The following GPR63 variants were observed in gnomAD, a reference collection of about 807,000 sequenced individuals.
The protein encoded by GPR63 is G protein-coupled receptor 63.
Under a neutral mutation model 23.1 loss-of-function variants are expected in GPR63, and 12 were observed. That is an observed-to-expected ratio of 0.52 (90% CI 0.33 to 0.84). The LOEUF is 0.84. Among genes scored for constraint, GPR63 ranks in the 40% least tolerant of loss-of-function variants. The pLI is 0.02. For missense variants in GPR63, 472 were observed against 515.6 expected (o/e 0.92, Z 0.82); for synonymous variants, 172 against 191.1 (o/e 0.90, Z 0.82).
intron 1 of GPR63, among the ~76,000 whole-genome samples, chr6:96,835,233 A>T (rs1774694911): frequency 6.6e-6 from 1 of 152,092 alleles, no homozygotes; most frequent in Non-Finnish European, 1.5e-5. Flanking sequence ...CCTAGCAATA[A>T]CTATTTTTAG....
chr6:96,803,207 C>T (rs995084779), intron 1 of GPR63, among the ~76,000 whole-genome samples: 1 of 152,116 alleles, frequency 6.6e-6, no homozygotes, highest in African/African-American at 2.4e-5. Flanking sequence ...GCACATATTG[C>T]CCATGCAGAA....
chr6:96,829,393 A>T (rs1051335167), intron 1 of GPR63, among the ~76,000 whole-genome samples: 1 of 152,176 alleles, frequency 6.6e-6, no homozygotes, highest in African/African-American at 2.4e-5. Flanking sequence ...GGATCAAACA[A>T]ATCATAGAAA....
intron 1 of GPR63, among the ~76,000 whole-genome samples, chr6:96,833,273 C>G (rs1774638349): frequency 6.6e-6 from 1 of 152,182 alleles, no homozygotes; most frequent in Non-Finnish European, 1.5e-5. Flanking sequence ...CTCCCAGGAT[C>G]AACTTGAACA....
intron 1 of GPR63, among the ~76,000 whole-genome samples, chr6:96,812,592 G>A (rs908619424): frequency 6.6e-6 from 1 of 152,136 alleles, no homozygotes; most frequent in East Asian, 1.9e-4. Flanking sequence ...GTATTTTTAA[G>A]TGGCTAATAG....
intron 1 of GPR63, among the ~76,000 whole-genome samples, chr6:96,803,208 C>T (rs1049372727): frequency 6.6e-6 from 1 of 152,114 alleles, no homozygotes; most frequent in African/African-American, 2.4e-5. Context: ...CACATATTGC[C>T]CATGCAGAAG....
intron 1 of GPR63, among the ~76,000 whole-genome samples, chr6:96,800,240 A>C (rs1468866180): frequency 2.6e-5 from 4 of 152,192 alleles, no homozygotes; most frequent in Non-Finnish European, 5.9e-5. Context: ...AGTCACTATT[A>C]ATACAGATTT....
chr6:96,821,964 G>A (rs181538120), intron 1 of GPR63, among the ~76,000 whole-genome samples: 22 of 151,804 alleles, frequency 1.4e-4, no homozygotes, highest in Admixed American at 1.1e-3. Flanking sequence ...TTCATAGAAC[G>A]TAGAATCAGA....
chr6:96,805,266 G>T (rs182999669), intron 1 of GPR63, among the ~76,000 whole-genome samples: 12 of 152,154 alleles, frequency 7.9e-5, no homozygotes, highest in Non-Finnish European at 8.8e-5. Context: ...GGTGAAGGGT[G>T]AGAGCAGGAA....
intron 1 of GPR63, among the ~76,000 whole-genome samples, chr6:96,833,421 T>C (rs1171362698): frequency 6.6e-6 from 1 of 152,206 alleles, no homozygotes; most frequent in East Asian, 1.9e-4. Flanking sequence ...CTACAAATGT[T>C]CTCTCTCTAA....
At chr6:96,818,727 C>G (rs1310789064) in intron 1 of GPR63, among the ~76,000 whole-genome samples, 1 of 152,090 alleles carries the variant, frequency 6.6e-6, no homozygotes, top group Non-Finnish European at 1.5e-5. Context: ...TAACACACAT[C>G]AGGGTGAACA....
chr6:96,799,638 G>A lies in GPR63; in HGVS notation c.94C>T (p.Pro32Ser). The change falls in exon 2 of 2, where the codon CCT becomes TCT. Residue 32 changes from proline to serine, a missense_variant. By Grantham distance (74) the Pro-to-Ser change is moderately conservative (BLOSUM62 -1). Coordinates refer to ENST00000229955, the MANE Select transcript of GPR63 (RefSeq NM_030784.4). ...YENTYMNITL[P>S]PPFQHPDLSP... The stretch of plus-strand genomic sequence containing the variant: ...AGGTCAGGATGCTGGAATGGTGGAG[G>A]GAGTGTAATATTCATGTAGGTGTTT... 1.2e-6 allele frequency: 2 copies of A among 1,614,100 alleles called. No individual in the cohort carries two copies. Among genetic ancestry groups the A allele is most frequent in the Non-Finnish European group, 1.7e-6 (2 of 1,180,002 alleles).
chr6:96,805,323 T>C (rs531549186), intron 1 of GPR63, among the ~76,000 whole-genome samples: 3 of 152,100 alleles, frequency 2.0e-5, no homozygotes, highest in African/African-American at 4.8e-5. Flanking sequence ...AAAAACCAGA[T>C]CTTGTGTGAA....
chr6:96,810,694 G>A (rs1023210791), intron 1 of GPR63, among the ~76,000 whole-genome samples: 1 of 152,050 alleles, frequency 6.6e-6, no homozygotes, highest in African/African-American at 2.4e-5. Context: ...GTATGTAGAT[G>A]TGTGTGTATA....
intron 1 of GPR63, among the ~76,000 whole-genome samples, chr6:96,829,523 T>C (rs754759793): frequency 1.3e-5 from 2 of 151,430 alleles, no homozygotes; most frequent in Non-Finnish European, 2.9e-5. Flanking sequence ...TGAGACTTCA[T>C]CTCTACAAAA....
chr6:96,834,496 C>T (rs576822001), intron 1 of GPR63, among the ~76,000 whole-genome samples: 16 of 152,040 alleles, frequency 1.1e-4, no homozygotes, highest in African/African-American at 3.9e-4. Flanking sequence ...AACATAAACT[C>T]TGTGAAACTC....
At chr6:96,811,370 T>C (rs1582258696) in intron 1 of GPR63, among the ~76,000 whole-genome samples, 1 of 152,356 alleles carries the variant, frequency 6.6e-6, no homozygotes, top group African/African-American at 2.4e-5. Flanking sequence ...ATACTGGCGT[T>C]ACTCAAGGGT....
At chr6:96,806,419 G>C (rs1272483988) in intron 1 of GPR63, among the ~76,000 whole-genome samples, 6 of 152,164 alleles carry the variant, frequency 3.9e-5, no homozygotes. Context: ...CAAGTAGCTT[G>C]AAAAGCTGCC....
chr6:96,815,025 G>A (rs1774128929), intron 1 of GPR63, among the ~76,000 whole-genome samples: 1 of 152,170 alleles, frequency 6.6e-6, no homozygotes, highest in African/African-American at 2.4e-5. Context: ...GATAAACTAT[G>A]GGAATGAAGA....
chr6:96,834,281 T>TA lies in GPR63; in HGVS notation c.-151+2986_-151+2987insT, dbSNP rs573164324. Among the ~76,000 whole-genome samples the TA allele has an allele frequency of 4.4e-3, 668 of 152,332 alleles. 7 individuals are homozygous for TA. The highest frequency in any genetic ancestry group is 0.015 in the African/African-American group (630 of 41,570). On this transcript the variant is annotated intron_variant, in intron 1 of 1. Transcript: ENST00000229955. The stretch of plus-strand genomic sequence containing the variant: ...TGGGCTGCCCACACTTCAAATCATT[T>TA]GGAATGTTCTCATGTTTTGTGGTTG...
Sources: gnomAD v4.1 joint callset for allele counts (sites outside exome capture counted in the v4.1 genomes callset) on GRCh38, gnomAD v4.1.1 for gene constraint, MANE v1.5 for transcripts, NCBI Gene and HGNC (gene_info 2026-07-23, HGNC 2026-07-21) for gene names.